SH3KBP1: variants seen among roughly 807,000 people sequenced by gnomAD.
SH3KBP1 encodes SH3 domain-containing kinase-binding protein 1.
In SH3KBP1, 8 loss-of-function variants were observed where a neutral mutation model predicts 50.1. The ratio of observed to expected loss-of-function variants is 0.16; its 90% CI spans 0.09 to 0.29. SH3KBP1 has a LOEUF of 0.29. SH3KBP1 is among the 10% of genes least tolerant of loss of function. SH3KBP1 has a pLI of 1.00. For missense variants in SH3KBP1, 377 were observed against 535.2 expected (o/e 0.70, Z 2.92); for synonymous variants, 227 against 218.6 (o/e 1.04, Z -0.34).
Position 19,787,738 on chromosome X carries a change from A to C in SH3KBP1, c.163-41297T>G, listed in dbSNP as rs73443503. Among the ~76,000 whole-genome samples the C allele has an allele frequency of 9.6e-3, 1,071 of 111,593 alleles. 9 individuals are homozygous for C. Among genetic ancestry groups the C allele is most frequent in the Middle Eastern group, 0.032 (7 of 218 alleles). ...GTAAATTATGCTCAGCATAATTCTCAATCACATTTTAATTTTACTCTGCAA... is the reference window on the plus strand; with the variant it reads ...GTAAATTATGCTCAGCATAATTCTCCATCACATTTTAATTTTACTCTGCAA... On this transcript the variant is annotated intron_variant, in intron 2 of 17. Coordinates refer to ENST00000397821, the MANE Select transcript of SH3KBP1 (RefSeq NM_031892.3).
intron 13 of SH3KBP1, among the ~76,000 whole-genome samples, chrX:19,561,815 C>CTT (rs769428738): frequency 0.047 from 4,540 of 96,065 alleles, 318 homozygotes; most frequent in African/African-American, 0.16. Context: ...AATTGAAAGC[C>CTT]TTTTTTTTTT....
At chrX:19,793,777 G>A (rs1474717812) in intron 2 of SH3KBP1, among the ~76,000 whole-genome samples, 1 of 110,662 alleles carries the variant, frequency 9.0e-6, no homozygotes, top group Non-Finnish European at 1.9e-5. Context: ...CATAAAGAGT[G>A]GTTTTCCTAT....
chrX:19,664,871 C>T (rs2062557071), intron 6 of SH3KBP1, among the ~76,000 whole-genome samples: 1 of 112,093 alleles, frequency 8.9e-6, no homozygotes, highest in African/African-American at 3.2e-5. Context: ...GGGTTTGAGG[C>T]AAGATGAATA....
Position 19,834,219 on chromosome X carries a change from T to C in SH3KBP1, c.162+1906A>G, listed in dbSNP as rs1416950007. On this transcript the variant is annotated intron_variant, in intron 2 of 17. Coordinates refer to ENST00000397821, the MANE Select transcript of SH3KBP1 (RefSeq NM_031892.3). Reference sequence around the variant, plus strand: ...TCCAGTGTCCATCACACATTTTTCATCAACAACTCCTTGTCATAAAAAACC... The same window carrying C: ...TCCAGTGTCCATCACACATTTTTCACCAACAACTCCTTGTCATAAAAAACC... 2.7e-5 allele frequency among the ~76,000 whole-genome samples: 3 copies of C among 112,411 alleles called. No individual in the cohort carries two copies. In the East Asian group the frequency reaches 8.3e-4, roughly 31 times the overall value.
At position 19,707,225 on chromosome X, in the gene SH3KBP1, T is replaced by C. The variant is rs2063670771; in HGVS notation, c.287-241A>G. 2.6e-5 allele frequency: 12 copies of C among 463,262 alleles called. No homozygotes were observed. The South Asian group carries it at 3.0e-4, about 12-fold the overall frequency. The allele number at this position is 463,262 out of a possible 1,213,427, so 38.2% of individuals were successfully genotyped here. A position where few individuals can be genotyped will look rare whatever the true frequency, so the allele number is the denominator to read the frequency against. On this transcript the variant is annotated intron_variant, in intron 3 of 17. Transcript: ENST00000397821. ...GCATGGATATGAGAAACCGATCCAT[T>C]GGTGCAGAAGGCAAATACCCCACCC...
chrX:19,833,965 A>G (rs1415134339), intron 2 of SH3KBP1, among the ~76,000 whole-genome samples: 1 of 111,382 alleles, frequency 9.0e-6, no homozygotes, highest in African/African-American at 3.3e-5. Flanking sequence ...TTAAAATGGG[A>G]GCGAGCGGCT....
intron 13 of SH3KBP1, among the ~76,000 whole-genome samples, chrX:19,567,923 C>T (rs888765297): frequency 1.5e-4 from 17 of 110,992 alleles, no homozygotes; most frequent in Admixed American, 1.4e-3. Flanking sequence ...GCCATAAAAA[C>T]GAGATCCTAT....
At chrX:19,865,908 G>A (rs1329126534) in intron 1 of SH3KBP1, among the ~76,000 whole-genome samples, 1 of 111,974 alleles carries the variant, frequency 8.9e-6, no homozygotes, top group Non-Finnish European at 1.9e-5. Flanking sequence ...TGACGGAGGA[G>A]TTTCCACTAC....
intron 3 of SH3KBP1, among the ~76,000 whole-genome samples, chrX:19,712,307 A>G (rs762070948): frequency 4.5e-5 from 5 of 112,237 alleles, no homozygotes; most frequent in Non-Finnish European, 3.8e-5. Flanking sequence ...GGAGTCAGCT[A>G]GACAGGGCTT....
chrX:19,856,621 T>C (rs2068650119), intron 1 of SH3KBP1, among the ~76,000 whole-genome samples: 2 of 111,326 alleles, frequency 1.8e-5, no homozygotes, highest in Non-Finnish European at 1.9e-5. Flanking sequence ...TAAAGGTCTC[T>C]TATGGAAAAA....
At chrX:19,665,758 A>G (rs1488325869) in intron 6 of SH3KBP1, among the ~76,000 whole-genome samples, 1 of 111,849 alleles carries the variant, frequency 8.9e-6, no homozygotes, top group Non-Finnish European at 1.9e-5. Flanking sequence ...GTAAGAAAAG[A>G]CACACCACCA....
At chrX:19,589,638 G>A (rs1424643860) in intron 11 of SH3KBP1, among the ~76,000 whole-genome samples, 1 of 110,532 alleles carries the variant, frequency 9.0e-6, no homozygotes, top group East Asian at 2.8e-4. Context: ...GCCTTGCTCC[G>A]TGTGTGGCAT....
intron 6 of SH3KBP1, among the ~76,000 whole-genome samples, chrX:19,682,333 TACAC>T (rs59044973): frequency 0.018 from 1,371 of 75,846 alleles, 12 homozygotes; most frequent in Middle Eastern, 0.058. Context: ...ATAAGAGTCA[TACAC>T]ACACACACAC....
chrX:19,877,230 T>G (rs2147563293), intron 1 of SH3KBP1, among the ~76,000 whole-genome samples: 1 of 112,047 alleles, frequency 8.9e-6, no homozygotes, highest in South Asian at 3.7e-4. Context: ...AAGAGATGTT[T>G]TTGCTGGTTT....
At chrX:19,810,223 T>C (rs1422038746) in intron 2 of SH3KBP1, among the ~76,000 whole-genome samples, 1 of 112,350 alleles carries the variant, frequency 8.9e-6, no homozygotes, top group Non-Finnish European at 1.9e-5. Flanking sequence ...ATGCACCACA[T>C]TTGCATACAT....
At chrX:19,595,301 C>T (rs2066868854) in intron 9 of SH3KBP1, among the ~76,000 whole-genome samples, 2 of 112,673 alleles carry the variant, frequency 1.8e-5, no homozygotes, top group African/African-American at 6.4e-5. Flanking sequence ...AACCAGCAAG[C>T]ACAATGGTAC....
chrX:19,837,462 C>G (rs1254624464), intron 1 of SH3KBP1, among the ~76,000 whole-genome samples: 1 of 72,753 alleles, frequency 1.4e-5, no homozygotes, highest in African/African-American at 6.1e-5. Flanking sequence ...TTTCATAACA[C>G]TTTTTTTTTT....
chrX:19,683,423 C>CACACCCA (rs2063102287), intron 6 of SH3KBP1: 1 of 349,621 alleles, frequency 2.9e-6, no homozygotes. Flanking sequence ...GAACCACAGT[C>CACACCCA]AGCACACCCA....
chrX:19,847,417 G>C (rs921608216), intron 1 of SH3KBP1, among the ~76,000 whole-genome samples: 1 of 110,639 alleles, frequency 9.0e-6, no homozygotes, highest in African/African-American at 3.3e-5. Flanking sequence ...TTGTTGTCGA[G>C]GGGCAAGAAA....
Sources: gnomAD v4.1 joint callset for allele counts (sites outside exome capture counted in the v4.1 genomes callset) on GRCh38, gnomAD v4.1.1 for gene constraint, MANE v1.5 for transcripts, NCBI Gene and HGNC (gene_info 2026-07-23, HGNC 2026-07-21) for gene names.